Variants in SLC27A2 observed in about 807,000 individuals in gnomAD.
The protein encoded by SLC27A2 is solute carrier family 27 member 2.
SLC27A2 carries 54 observed loss-of-function variants against 60.0 expected under a neutral mutation model. That is an observed-to-expected ratio of 0.90 (90% CI 0.72 to 1.13). SLC27A2 has a LOEUF of 1.13. Among genes scored for constraint, SLC27A2 ranks in the 50% most tolerant of loss-of-function variants. The pLI is 0.00. For missense variants in SLC27A2, 739 were observed against 777.6 expected, an observed-to-expected ratio of 0.95 and a Z score of 0.59; for synonymous variants, 297 against 297.6, an observed-to-expected ratio of 1.00 and a Z score of 0.02.
chr15:50,230,444 G>C (rs2140914659), intron 8 of SLC27A2, among the ~76,000 whole-genome samples: 1 of 152,222 alleles, frequency 6.6e-6, no homozygotes, highest in South Asian at 2.1e-4. Context: ...TTGGGAGGCT[G>C]AGGCAGGAGA....
rs2045271218 is a variant in SLC27A2, at chr15:50,225,279, A to C, written c.1168-709A>C. On this transcript the variant is annotated intron_variant, in intron 5 of 9. Transcript: ENST00000267842. Reference sequence around the variant, plus strand: ...GTCATGTTTGCATTTTTCTTCCAACAAGGAAAATAATATATTTATTATTGC... The same window carrying C: ...GTCATGTTTGCATTTTTCTTCCAACCAGGAAAATAATATATTTATTATTGC... Among the ~76,000 whole-genome samples, 3 of 152,192 alleles carry C rather than the reference A, an allele frequency of 2.0e-5. 1 individual carries two copies. In the South Asian group the frequency reaches 6.2e-4, roughly 32 times the overall value.
chr15:50,191,141 G>T (rs1385736172), intron 1 of SLC27A2: 1 of 152,138 alleles, frequency 6.6e-6, no homozygotes, highest in Non-Finnish European at 1.5e-5. Context: ...AAGATTACTG[G>T]TATCTATATC....
chr15:50,224,100 T>C (rs1490402533), intron 5 of SLC27A2, among the ~76,000 whole-genome samples: 1 of 152,150 alleles, frequency 6.6e-6, no homozygotes, highest in African/African-American at 2.4e-5. Context: ...AGAGAAAATA[T>C]TGAACCCAGT....
intron 1 of SLC27A2, among the ~76,000 whole-genome samples, chr15:50,192,027 T>C (rs1260926803): frequency 6.9e-6 from 1 of 144,982 alleles, no homozygotes; most frequent in East Asian, 2.0e-4. Context: ...GCCATTGCAC[T>C]CCAGCCTGGA....
chr15:50,223,263 G>C lies in SLC27A2; in HGVS notation c.1167+104G>C, dbSNP rs1342168466. On this transcript the variant is annotated intron_variant, in intron 5 of 9. Coordinates refer to ENST00000267842, the MANE Select transcript of SLC27A2 (RefSeq NM_003645.4). The stretch of plus-strand genomic sequence containing the variant: ...TGTTATCAGAAGTCAGGCAGCATCA[G>C]AGCCATGGCCCATTCCTATCACCAA... 1.1e-5 allele frequency: 9 copies of C among 790,930 alleles called. No individual in the cohort carries two copies. The East Asian group carries it at 2.5e-4, about 22-fold the overall frequency. The allele number at this position is 790,930 out of a possible 1,614,324, so 49.0% of individuals were successfully genotyped here.
intron 4 of SLC27A2, among the ~76,000 whole-genome samples, chr15:50,219,645 T>C (rs534598049): frequency 2.0e-5 from 3 of 152,176 alleles, no homozygotes; most frequent in African/African-American, 4.8e-5. Context: ...GAGTCTCCAT[T>C]TCCTCAATTG....
chr15:50,207,004 C>T (rs1016638792), intron 4 of SLC27A2, among the ~76,000 whole-genome samples: 6 of 152,120 alleles, frequency 3.9e-5, no homozygotes, highest in African/African-American at 1.4e-4. Flanking sequence ...TAATATTCCA[C>T]GTGGCCTCCA....
chr15:50,187,173 G>C (rs568050304), intron 1 of SLC27A2, among the ~76,000 whole-genome samples: 2 of 152,312 alleles, frequency 1.3e-5, no homozygotes, highest in Admixed American at 1.3e-4. Context: ...ACACTTCCCT[G>C]AATCAAGCAG....
At chr15:50,226,851 T>A (rs1223057044) in intron 6 of SLC27A2, 129 bp from the exon 7 acceptor site, 2 of 660,332 alleles carry the variant, frequency 3.0e-6, no homozygotes, top group African/African-American at 1.8e-5. Flanking sequence ...CAGGTATACA[T>A]GCATGGAAAA....
At chr15:50,217,538 A>C (rs911355354) in intron 4 of SLC27A2, among the ~76,000 whole-genome samples, 27 of 152,078 alleles carry the variant, frequency 1.8e-4, no homozygotes, top group African/African-American at 6.0e-4. Flanking sequence ...AATTCTTAGG[A>C]AGAACTAAAC....
In SLC27A2 at chr15:50,235,900, G is replaced by T; in HGVS notation, c.1687-20G>T. ...TATTGCAAAATGCAACCAAAATGTG[G>T]ATTATTTGATGTTTTTCAGGACACC... On this transcript the variant is annotated intron_variant, in intron 9 of 9. Transcript: ENST00000267842. 4 of 1,594,860 alleles carry T rather than the reference G, an allele frequency of 2.5e-6. No homozygotes were observed. Among genetic ancestry groups the T allele is most frequent in the Non-Finnish European group, 2.6e-6 (3 of 1,166,820 alleles).
intron 2 of SLC27A2, among the ~76,000 whole-genome samples, chr15:50,199,647 G>T (rs1157300846): frequency 6.6e-6 from 1 of 152,062 alleles, no homozygotes; most frequent in Non-Finnish European, 1.5e-5. Context: ...ATATTTGCTA[G>T]GCCAAGCACA....
At chr15:50,202,422 C>A (rs1427100256) in intron 2 of SLC27A2, 65 bp from the exon 3 acceptor site, 2 of 1,526,844 alleles carry the variant, frequency 1.3e-6, no homozygotes, top group African/African-American at 2.7e-5. Flanking sequence ...TAAGCCAGAT[C>A]TCTCTCCTAC....
intron 4 of SLC27A2, among the ~76,000 whole-genome samples, chr15:50,205,743 A>C (rs999177206): frequency 6.6e-6 from 1 of 151,872 alleles, no homozygotes; most frequent in African/African-American, 2.4e-5. Flanking sequence ...ACGTCATTTT[A>C]TTTCTACCCT....
chr15:50,231,518 A>T (rs544894929), intron 8 of SLC27A2, among the ~76,000 whole-genome samples: 5 of 152,314 alleles, frequency 3.3e-5, no homozygotes, highest in African/African-American at 1.2e-4. Flanking sequence ...AATTTAAAAA[A>T]AAACACACAC....
chr15:50,190,709 A>C (rs2044966248), intron 1 of SLC27A2, among the ~76,000 whole-genome samples: 1 of 151,466 alleles, frequency 6.6e-6, no homozygotes, highest in South Asian at 2.1e-4. Flanking sequence ...ATGGGGGAGT[A>C]GTGTTGTAAT....
At chr15:50,234,607 A>AAAC (rs1567440045) in intron 9 of SLC27A2, among the ~76,000 whole-genome samples, 3 of 146,750 alleles carry the variant, frequency 2.0e-5, no homozygotes, top group African/African-American at 2.5e-5. Flanking sequence ...AAAAAAAAAA[A>AAAC]AATTAGCCAG....
rs5812508 is a variant in SLC27A2, at chr15:50,203,013, T to TAAAAA, written c.847+372_847+376dup. Among the ~76,000 whole-genome samples, 548 of 133,090 alleles carry TAAAAA rather than the reference T, an allele frequency of 4.1e-3. 4 individuals are homozygous for TAAAAA. Among genetic ancestry groups the TAAAAA allele is most frequent in the African/African-American group, 0.012 (428 of 37,018 alleles). The allele number at this position is 133,090 out of a possible 152,430, so 87.3% of individuals were successfully genotyped here. On this transcript the variant is annotated intron_variant, in intron 3 of 9. Coordinates refer to ENST00000267842, the MANE Select transcript of SLC27A2 (RefSeq NM_003645.4). ...TGGGCAACATAGCAAACCTCATCTC[T>TAAAAA]AAAAAAAATATATATATATATATAT...
intron 2 of SLC27A2, chr15:50,198,397 GC>G (rs1193103427): frequency 6.6e-6 from 1 of 151,826 alleles, no homozygotes; most frequent in Non-Finnish European, 1.5e-5. Flanking sequence ...ATAAGATTCT[GC>G]CCCCACTCTT....
Sources: allele counts gnomAD v4.1 joint callset (sites outside exome capture counted in the v4.1 genomes callset), GRCh38; gene constraint gnomAD v4.1.1; transcripts MANE v1.5; gene names NCBI Gene and HGNC (gene_info 2026-07-23, HGNC 2026-07-21).